The following GASK1A variants were observed in gnomAD, a reference collection of about 807,000 sequenced individuals.
GASK1A encodes the protein golgi associated kinase 1A, also known as Golgi-associated kinase 1A.
A neutral mutation model predicts 41.2 loss-of-function variants in GASK1A; 40 were observed. That is an observed-to-expected ratio of 0.97 (90% CI 0.75 to 1.27). GASK1A has a LOEUF of 1.27. Ranked by LOEUF, GASK1A falls within the 50% of genes most tolerant of loss-of-function variation. The pLI is 0.00. For missense variants in GASK1A, 678 were observed against 745.1 expected (o/e 0.91, Z 1.05); for synonymous variants, 316 against 307.1 (o/e 1.03, Z -0.30).
rs1317573875 is a variant in GASK1A at position 42,979,608 on chromosome 3, CGCGCCGAGGAGCCGGCCGGG to C, written c.-32_-13del. On this transcript the variant is annotated 5_prime_UTR_variant, in exon 1 of 5. Coordinates refer to ENST00000430121, the MANE Select transcript of GASK1A (RefSeq NM_001129908.3). ...GGGATGAGTCTGCGAGCCGGCTGAG[CGCGCCGAGGAGCCGGCCGGG>C]GCACCGCCGGGGACATGGTAGGACT... 10 of 1,241,642 alleles carry C rather than the reference CGCGCCGAGGAGCCGGCCGGG, an allele frequency of 8.1e-6. No individual in the cohort carries two copies. The highest frequency in any genetic ancestry group is 1.0e-5 in the Non-Finnish European group (10 of 987,698). 76.9% of individuals were successfully genotyped at this position (1,241,642 alleles called of 1,614,324 possible). A position where few individuals can be genotyped will look rare whatever the true frequency, so the allele number is the denominator to read the frequency against.
Position 43,055,489 on chromosome 3 carries a change from C to T in GASK1A, c.1471C>T (p.His491Tyr). 6.4e-7 allele frequency: 1 copy of T among 1,552,010 alleles called. No individual in the cohort carries two copies. The highest frequency in any genetic ancestry group is 8.7e-7 in the Non-Finnish European group (1 of 1,147,038). The change falls in exon 4 of 5, where the codon CAC (histidine) becomes TAC (tyrosine). Residue 491 changes from histidine to tyrosine, a missense_variant. Transcript: ENST00000430121. ...CATCGATAACGCTGGCAACCTTCAG[C>T]ACCCTGAGGACAAGCTGAACTTTCG... Reference protein sequence around the residue: ...VYIDNAGNLQHPEDKLNFRLL... With the variant: ...VYIDNAGNLQYPEDKLNFRLL...
intron 1 of GASK1A, among the ~76,000 whole-genome samples, chr3:43,023,964 G>T (rs1011445040): frequency 2.6e-5 from 4 of 152,170 alleles, no homozygotes; most frequent in African/African-American, 9.6e-5. Flanking sequence ...GTGGGGACCG[G>T]CAGTACACAG....
intron 2 of GASK1A, among the ~76,000 whole-genome samples, chr3:43,048,952 A>G (rs2089676301): frequency 6.6e-6 from 1 of 152,216 alleles, no homozygotes; most frequent in African/African-American, 2.4e-5. Context: ...ACTCTGGTTA[A>G]CATAAGCAAG....
chr3:43,033,528 T>C lies in GASK1A; in HGVS notation c.1265T>C (p.Leu422Pro). The change falls in exon 2 of 5, where the codon CTG becomes CCG. Residue 422 changes from leucine to proline, a missense_variant. By Grantham distance (98) the Leu-to-Pro change is moderately conservative. Coordinates refer to ENST00000430121, the MANE Select transcript of GASK1A (RefSeq NM_001129908.3). ...ATCCACCATACCGAGTGGGCACGCC[T>C]GGCGCTCTTCGACTTCCTGTTGCAG... Reference protein sequence around the residue: ...PGIHHTEWARLALFDFLLQVH... With the variant: ...PGIHHTEWARPALFDFLLQVH... 1 of 1,539,152 alleles carries C rather than the reference T, an allele frequency of 6.5e-7. No individual in the cohort carries two copies. The highest frequency in any genetic ancestry group is 8.8e-7 in the Non-Finnish European group (1 of 1,138,694).
chr3:42,985,586 T>TGGGG (rs1553613311), intron 1 of GASK1A, among the ~76,000 whole-genome samples: 1,608 of 144,344 alleles, frequency 0.011, 17 homozygotes, highest in Non-Finnish European at 0.015. Context: ...TGTGTGTGTG[T>TGGGG]GGGCGGAGGC....
At chr3:43,011,165 C>T (rs947344114) in intron 1 of GASK1A, among the ~76,000 whole-genome samples, 7 of 152,100 alleles carry the variant, frequency 4.6e-5, no homozygotes, top group African/African-American at 1.7e-4. Context: ...GGGCAGATCA[C>T]GAGGTCAGGA....
Position 43,032,855 on chromosome 3 carries a change from G to A in GASK1A, c.592G>A (p.Ala198Thr). The change falls in exon 2 of 5, where the codon GCA becomes ACA. Residue 198 changes from alanine (A) to threonine (T), a missense_variant. Coordinates refer to ENST00000430121, the MANE Select transcript of GASK1A (RefSeq NM_001129908.3). ...TGGGCTGACACTCTGGCCCCATACAGCAGAAGGCAGGGATCTGCTGGGAGC... is the reference window on the plus strand; with the variant it reads ...TGGGCTGACACTCTGGCCCCATACAACAGAAGGCAGGGATCTGCTGGGAGC... ...TSGLTLWPHTAEGRDLLGAEN... is the reference protein window; with the variant it reads ...TSGLTLWPHTTEGRDLLGAEN... 1 of 1,549,062 alleles carries A rather than the reference G, an allele frequency of 6.5e-7. No homozygotes were observed.
chr3:43,039,924 A>C (rs1246765462), intron 2 of GASK1A, among the ~76,000 whole-genome samples: 1 of 152,196 alleles, frequency 6.6e-6, no homozygotes, highest in Non-Finnish European at 1.5e-5. Context: ...TAAGGAACTT[A>C]GCCCTTTGTT....
rs1335463817 is a variant in GASK1A at position 43,033,226 on chromosome 3, G to A, written c.963G>A (p.Lys321=). 5 of 1,551,604 alleles carry A rather than the reference G, an allele frequency of 3.2e-6. No individual in the cohort carries two copies. Among genetic ancestry groups the A allele is most frequent in the Non-Finnish European group, 4.4e-6 (5 of 1,146,988 alleles). ...CCCAAGGGCTCTGTGGCCTGATCAA[G>A]AGGCCTGGGGACCTGCCTGAGGTCC... ...LCSQGLCGLI[K]RPGDLPEVLS... is the part of the protein sequence containing the mutation. Residue 321 remains lysine, a synonymous_variant, in exon 2 of 5, where the codon AAG becomes AAA. Coordinates refer to ENST00000430121, the MANE Select transcript of GASK1A (RefSeq NM_001129908.3).
intron 2 of GASK1A, chr3:43,037,128 G>A (rs2125688232): frequency 3.6e-6 from 3 of 830,746 alleles, no homozygotes; most frequent in Non-Finnish European, 3.9e-6. Context: ...CTCAAACCAG[G>A]CAGCGATTCA....
intron 2 of GASK1A, among the ~76,000 whole-genome samples, chr3:43,045,132 CT>C (rs1387728518): frequency 6.6e-6 from 1 of 152,212 alleles, no homozygotes; most frequent in Non-Finnish European, 1.5e-5. Context: ...AGAATATGCT[CT>C]GCTGCTTGAG....
intron 2 of GASK1A, among the ~76,000 whole-genome samples, chr3:43,050,327 A>G (rs1311344631): frequency 6.6e-6 from 1 of 151,910 alleles, no homozygotes; most frequent in Non-Finnish European, 1.5e-5. Flanking sequence ...TTTTTAATTT[A>G]ATTTCAACAC....
chr3:42,994,511 A>G (rs1460419851), intron 1 of GASK1A, among the ~76,000 whole-genome samples: 1 of 152,106 alleles, frequency 6.6e-6, no homozygotes, highest in African/African-American at 2.4e-5. Context: ...CAGCATCTCC[A>G]TGAGAGGGCT....
chr3:43,040,533 T>G (rs2089630979), intron 2 of GASK1A, among the ~76,000 whole-genome samples: 1 of 152,148 alleles, frequency 6.6e-6, no homozygotes, highest in African/African-American at 2.4e-5. Flanking sequence ...TTTTTGTGGA[T>G]TAATATAGAG....
chr3:43,053,829 G>A, intron 3 of GASK1A, 186 bp downstream of exon 3: 1 of 774,032 alleles, frequency 1.3e-6, no homozygotes, highest in South Asian at 1.5e-5. Flanking sequence ...CTGACAAAAT[G>A]GAGCTTTAAG....
At chr3:43,007,831 T>C (rs2089444418) in intron 1 of GASK1A, among the ~76,000 whole-genome samples, 1 of 152,260 alleles carries the variant, frequency 6.6e-6, no homozygotes, top group Non-Finnish European at 1.5e-5. Flanking sequence ...TCAAATTGTC[T>C]GGCTCCAAGC....
intron 1 of GASK1A, among the ~76,000 whole-genome samples, chr3:43,001,313 A>G (rs1299524479): frequency 6.6e-6 from 1 of 152,222 alleles, no homozygotes; most frequent in Admixed American, 6.5e-5. Context: ...ACTTGATGAT[A>G]TGCAGTCCGG....
At chr3:43,045,859 G>T (rs1017851155) in intron 2 of GASK1A, among the ~76,000 whole-genome samples, 6 of 152,190 alleles carry the variant, frequency 3.9e-5, no homozygotes, top group Non-Finnish European at 7.4e-5. Flanking sequence ...GTGCCTGGTA[G>T]TTCCTCCTGC....
In GASK1A at chr3:43,032,386, C is replaced by A; in HGVS notation, c.123C>A (p.Gly41=). 1 of 1,551,648 alleles carries A rather than the reference C, an allele frequency of 6.4e-7. No individual in the cohort carries two copies. Among genetic ancestry groups the A allele is most frequent in the South Asian group, 1.2e-5 (1 of 84,054 alleles). ...TTCCCCCACAGCGTCCATCCGCCGGCCCAGACCCTGGTCCCATGGAGCCTC... is the reference window on the plus strand; with the variant it reads ...TTCCCCCACAGCGTCCATCCGCCGGACCAGACCCTGGTCCCATGGAGCCTC... The part of the protein sequence containing the change: ...TRFPPQRPSA[G]PDPGPMEPQG... Residue 41 remains glycine (G), a synonymous_variant, in exon 2 of 5, where the codon GGC becomes GGA. Coordinates refer to ENST00000430121, the MANE Select transcript of GASK1A (RefSeq NM_001129908.3).
Sources: gnomAD v4.1 joint callset for allele counts (sites outside exome capture counted in the v4.1 genomes callset) on GRCh38, gnomAD v4.1.1 for gene constraint, MANE v1.5 for transcripts, NCBI Gene and HGNC (gene_info 2026-07-23, HGNC 2026-07-21) for gene names.